Variants in SLC39A11 observed in about 807,000 individuals in gnomAD.
The protein encoded by SLC39A11 is zinc transporter ZIP11.
In SLC39A11, 33 loss-of-function variants were observed where a neutral mutation model predicts 36.1. The observed-to-expected ratio is 0.91, with a 90% CI of 0.69 to 1.22. SLC39A11 has a LOEUF of 1.22. SLC39A11 is among the 50% of genes most tolerant of loss of function. SLC39A11 has a pLI of 0.00. For missense variants in SLC39A11, 432 were observed against 430.3 expected (o/e 1.00, Z -0.03); for synonymous variants, 166 against 170.3 (o/e 0.97, Z 0.20).
intron 6 of SLC39A11, among the ~76,000 whole-genome samples, chr17:72,751,811 G>A (rs913126845): frequency 2.0e-5 from 3 of 151,900 alleles, no homozygotes; most frequent in Non-Finnish European, 2.9e-5. Context: ...CCCTGGCCTC[G>A]AGTGATCTGC....
At chr17:72,699,064 T>G (rs574812954) in intron 7 of SLC39A11, among the ~76,000 whole-genome samples, 1 of 151,956 alleles carries the variant, frequency 6.6e-6, no homozygotes, top group South Asian at 2.1e-4. Flanking sequence ...CTCCTGACCT[T>G]GTGATCTGCC....
intron 4 of SLC39A11, among the ~76,000 whole-genome samples, chr17:73,008,363 C>T (rs775802525): frequency 1.6e-4 from 24 of 152,112 alleles, no homozygotes; most frequent in Non-Finnish European, 3.4e-4. Flanking sequence ...AAGGCACTTA[C>T]AATGAAAGCT....
intron 5 of SLC39A11, among the ~76,000 whole-genome samples, chr17:72,872,553 A>C (rs1567861124): frequency 1.3e-5 from 2 of 152,348 alleles, no homozygotes; most frequent in Middle Eastern, 3.4e-3. Context: ...TATGACAGTG[A>C]TAGAAATCTT....
Position 72,709,574 on chromosome 17 carries a change from T to C in SLC39A11, c.671+27076A>G, listed in dbSNP as rs2073032843. ...AATTAAAACTTGATAAAGAAAAAGGTATTCAATGGACAATGGCTGTTGGGC... is the reference window on the plus strand; with the variant it reads ...AATTAAAACTTGATAAAGAAAAAGGCATTCAATGGACAATGGCTGTTGGGC... On this transcript the variant is annotated intron_variant, in intron 7 of 9. Coordinates refer to ENST00000255559, the MANE Select transcript of SLC39A11 (RefSeq NM_139177.4). Among the ~76,000 whole-genome samples, 3 of 152,200 alleles carry C rather than the reference T, an allele frequency of 2.0e-5. No individual in the cohort carries two copies. The South Asian group carries it at 6.2e-4, about 32-fold the overall frequency.
intron 3 of SLC39A11, among the ~76,000 whole-genome samples, chr17:73,057,206 C>T (rs1182045354): frequency 1.3e-5 from 2 of 152,150 alleles, no homozygotes; most frequent in East Asian, 3.9e-4. Context: ...GCTCAAGCCA[C>T]GCACCCGCCT....
chr17:73,081,475 T>C (rs191431748), intron 3 of SLC39A11, among the ~76,000 whole-genome samples: 1 of 151,978 alleles, frequency 6.6e-6, no homozygotes, highest in African/African-American at 2.4e-5. Context: ...CTACTAGGTA[T>C]CTACTCAGAG....
At chr17:72,680,389 CAT>C (rs1372896808) in intron 7 of SLC39A11, among the ~76,000 whole-genome samples, 7 of 152,180 alleles carry the variant, frequency 4.6e-5, no homozygotes, top group Non-Finnish European at 7.4e-5. Flanking sequence ...CCATAATTCC[CAT>C]ATGTCACGGA....
chr17:72,992,685 C>G (rs1457568440), intron 4 of SLC39A11, among the ~76,000 whole-genome samples: 1 of 152,092 alleles, frequency 6.6e-6, no homozygotes. Context: ...TGCTTTATCA[C>G]TAGTTGGCTA....
At chr17:72,662,587 G>A (rs545344455) in intron 7 of SLC39A11, among the ~76,000 whole-genome samples, 2 of 120,292 alleles carry the variant, frequency 1.7e-5, no homozygotes, top group Admixed American at 1.0e-4. Flanking sequence ...AGAAAGGAAG[G>A]AAAAGGAAAG....
At chr17:72,845,162 T>C (rs549356300) in intron 6 of SLC39A11, among the ~76,000 whole-genome samples, 2 of 152,294 alleles carry the variant, frequency 1.3e-5, no homozygotes, top group Non-Finnish European at 2.9e-5. Flanking sequence ...ATTCAGTATC[T>C]AAAGAGAAAC....
chr17:72,894,726 G>A lies in SLC39A11; in HGVS notation c.431-44922C>T, dbSNP rs368493553. ...CTAGAAGGAGCCAGTACCTCAACCT[G>A]AATGAGTCAGAAACGTTTCAGAGAG... On this transcript the variant is annotated intron_variant, in intron 5 of 9. Coordinates refer to ENST00000255559, the MANE Select transcript of SLC39A11 (RefSeq NM_139177.4). Among the ~76,000 whole-genome samples the A allele has an allele frequency of 1.3e-4, 19 of 151,478 alleles. No homozygotes were observed. In the East Asian group the frequency reaches 3.3e-3, roughly 26 times the overall value.
chr17:72,873,219 C>T (rs1017393065), intron 5 of SLC39A11, among the ~76,000 whole-genome samples: 10 of 152,020 alleles, frequency 6.6e-5, no homozygotes, highest in Admixed American at 2.0e-4. Context: ...TCTGATGGAC[C>T]GGCTGGCACC....
intron 6 of SLC39A11, among the ~76,000 whole-genome samples, chr17:72,821,143 G>A (rs1395889942): frequency 2.0e-5 from 3 of 150,436 alleles, no homozygotes; most frequent in South Asian, 2.1e-4. Flanking sequence ...AATTAATTAC[G>A]TTAGAATGAG....
intron 5 of SLC39A11, among the ~76,000 whole-genome samples, chr17:72,900,152 GAAAA>G (rs1567912298): frequency 5.2e-5 from 2 of 38,772 alleles, no homozygotes; most frequent in Non-Finnish European, 1.1e-4. Flanking sequence ...AAGAAAGAAA[GAAAA>G]GAAAGAAAGA....
rs17780250 is a variant in SLC39A11, at chr17:72,646,755, T to C, written c.*829A>G. On this transcript the variant is annotated 3_prime_UTR_variant, in exon 10 of 10. Transcript: ENST00000255559. ...GTCTCCAAGTCTCTTAGAAACATGA[T>C]GGCTATAAACTTATCAAAATAAATG... The C allele has an allele frequency of 0.093, 14,207 of 152,656 alleles. 898 individuals are homozygous for C. The highest frequency in any genetic ancestry group is 0.14 in the Non-Finnish European group (9,417 of 67,996). 9.5% of individuals were successfully genotyped at this position (152,656 alleles called of 1,614,324 possible).
chr17:72,804,065 C>T (rs905372073), intron 6 of SLC39A11, among the ~76,000 whole-genome samples: 23 of 151,916 alleles, frequency 1.5e-4, no homozygotes, highest in Non-Finnish European at 2.8e-4. Context: ...GCGTGATCTC[C>T]GCTCACTGCA....
chr17:72,662,949 A>G (rs1208110619), intron 7 of SLC39A11, among the ~76,000 whole-genome samples: 1 of 152,236 alleles, frequency 6.6e-6, no homozygotes, highest in Non-Finnish European at 1.5e-5. Context: ...TGAGTAAAAT[A>G]AACTCATTTT....
intron 5 of SLC39A11, among the ~76,000 whole-genome samples, chr17:72,904,960 T>C (rs1042427987): frequency 6.7e-6 from 1 of 148,284 alleles, no homozygotes; most frequent in African/African-American, 2.5e-5. Flanking sequence ...GATCACGAGG[T>C]CAGGAGATCG....
intron 5 of SLC39A11, among the ~76,000 whole-genome samples, chr17:72,912,828 T>G (rs2083097943): frequency 6.6e-6 from 1 of 152,110 alleles, no homozygotes; most frequent in South Asian, 2.1e-4. Flanking sequence ...TACTTGCTCA[T>G]CTCCTTGCCC....
Sources: gnomAD v4.1 joint callset for allele counts (sites outside exome capture counted in the v4.1 genomes callset) on GRCh38, gnomAD v4.1.1 for gene constraint, MANE v1.5 for transcripts, NCBI Gene and HGNC (gene_info 2026-07-23, HGNC 2026-07-21) for gene names.